Variants in TDRD9 observed in about 807,000 individuals in gnomAD.
The protein encoded by TDRD9 is tudor domain containing 9.
TDRD9 carries 124 observed loss-of-function variants against 172.6 expected under a neutral mutation model. That is an observed-to-expected ratio of 0.72 (90% CI 0.62 to 0.83). The LOEUF (loss-of-function observed/expected upper bound fraction) is 0.83. Ranked by LOEUF, TDRD9 falls within the 40% of genes least tolerant of loss-of-function variation. The pLI is 0.00. For synonymous variants in TDRD9, 619 were observed against 617.1 expected, an observed-to-expected ratio of 1.00 and a Z score of -0.05; for missense variants, 1,479 against 1,714.1, an observed-to-expected ratio of 0.86 and a Z score of 2.42.
chr14:104,048,594 C>G (rs1041673513), intron 34 of TDRD9, among the ~76,000 whole-genome samples: 1 of 152,130 alleles, frequency 6.6e-6, no homozygotes, highest in African/African-American at 2.4e-5. Context: ...CAAGTTCAGG[C>G]ACTTTTTGAT....
Position 104,001,733 on chromosome 14 carries a change from C to T in TDRD9, c.1484-2505C>T, listed in dbSNP as rs112239435. 4.6e-5 allele frequency among the ~76,000 whole-genome samples: 7 copies of T among 152,164 alleles called. No individual in the cohort carries two copies. The East Asian group carries it at 7.8e-4, about 17-fold the overall frequency. ...AAGCAATTCTCCTGCCTCAGCCTCC[C>T]GAGTAGCTGGGACTACAGGCATGCC... On this transcript the variant is annotated intron_variant, in intron 13 of 35. Coordinates refer to ENST00000409874, the MANE Select transcript of TDRD9 (RefSeq NM_153046.3).
intron 1 of TDRD9, among the ~76,000 whole-genome samples, chr14:103,934,227 GGT>G (rs1291529879): frequency 6.6e-6 from 1 of 151,866 alleles, no homozygotes; most frequent in African/African-American, 2.4e-5. Context: ...TGCCTATGCT[GGT>G]GTCAAACTCC....
At position 104,022,256 on chromosome 14, in the gene TDRD9, A is replaced by G; in HGVS notation, c.2532A>G (p.Glu844=). ...TGTCTCAACTAAAAGTTTCACTTGA[A>G]CTCAGCGTTCATTCTGCAGAGGAAA... The part of the protein sequence containing the change: ...IKMSQLKVSL[E]LSVHSAEEIE... The change falls in exon 24 of 36, where the codon GAA becomes GAG. Residue 844 remains glutamate (E), a synonymous_variant. Transcript: ENST00000409874. 1 of 1,613,070 alleles carries G rather than the reference A, an allele frequency of 6.2e-7. No homozygotes were observed. The highest frequency in any genetic ancestry group is 8.5e-7 in the Non-Finnish European group (1 of 1,179,564).
At chr14:103,979,297 G>A (rs2152175638) in intron 7 of TDRD9, among the ~76,000 whole-genome samples, 1 of 152,234 alleles carries the variant, frequency 6.6e-6, no homozygotes, top group South Asian at 2.1e-4. Context: ...GTACACCTAG[G>A]TTGATTCCAT....
At chr14:103,935,165 G>A (rs2030675468) in intron 1 of TDRD9, among the ~76,000 whole-genome samples, 1 of 152,200 alleles carries the variant, frequency 6.6e-6, no homozygotes, top group Non-Finnish European at 1.5e-5. Context: ...AGCTATGGGA[G>A]CTAATTCCTT....
At chr14:104,001,394 G>T (rs1183094780) in intron 13 of TDRD9, among the ~76,000 whole-genome samples, 2 of 152,230 alleles carry the variant, frequency 1.3e-5, no homozygotes, top group African/African-American at 4.8e-5. Context: ...AATACAAGCT[G>T]CACGTAGCAG....
At position 103,998,693 on chromosome 14, in the gene TDRD9, G is replaced by T. The variant is rs1319326484; in HGVS notation, c.1448G>T (p.Ser483Ile). The T allele has an allele frequency of 1.2e-6, 2 of 1,609,648 alleles. No homozygotes were observed. The highest frequency in any genetic ancestry group is 1.7e-6 in the Non-Finnish European group (2 of 1,176,134). The change falls in exon 13 of 36, where the codon AGT (serine) becomes ATT (isoleucine). Residue 483 changes from serine (S) to isoleucine (I), a missense_variant. Physicochemically the swap from Ser to Ile is moderately radical, Grantham distance 142 (BLOSUM62 -2). Transcript: ENST00000409874. ...EDTNYQSLRL[S>I]WASKTSCNQR... ...ACAAATTATCAGAGTCTGCGATTGA[G>T]TTGGGCTTCTAAAACCAGCTGTAAT...
At chr14:103,935,999 G>C (rs2208431) in intron 1 of TDRD9, among the ~76,000 whole-genome samples, 2 of 151,808 alleles carry the variant, frequency 1.3e-5, no homozygotes, top group Non-Finnish European at 2.9e-5. Flanking sequence ...ACAAGAGGGA[G>C]GGCAGGGCAT....
At chr14:103,955,796 A>G in intron 2 of TDRD9, 26 bp downstream of exon 2, 3 of 1,526,362 alleles carry the variant, frequency 2.0e-6, no homozygotes, top group Non-Finnish European at 2.7e-6. Context: ...TAAATATTTT[A>G]GATAGGATGC....
intron 22 of TDRD9, 94 bp downstream of exon 22, chr14:104,016,182 A>G (rs1461615415): frequency 1.4e-5 from 12 of 870,570 alleles, no homozygotes; most frequent in Non-Finnish European, 2.1e-5. Flanking sequence ...TCCTAAGTGA[A>G]TTTTCCCCTG....
chr14:104,021,249 C>T lies in TDRD9; in HGVS notation c.2433-908C>T, dbSNP rs188028782. 2.5e-3 allele frequency among the ~76,000 whole-genome samples: 380 copies of T among 152,222 alleles called. 2 individuals carry two copies. The highest frequency in any genetic ancestry group is 8.7e-4 in the Non-Finnish European group (59 of 68,016). On this transcript the variant is annotated intron_variant, in intron 23 of 35. Coordinates refer to ENST00000409874, the MANE Select transcript of TDRD9 (RefSeq NM_153046.3). The stretch of plus-strand genomic sequence containing the variant: ...CTCACAAGAACAGCAAGGGGGAAAT[C>T]GCGCTCACAATCCGGTCACCTCCCA...
intron 8 of TDRD9, 115 bp from the exon 9 acceptor site, chr14:103,991,045 A>G (rs1259351160): frequency 1.7e-6 from 2 of 1,209,486 alleles, no homozygotes; most frequent in Admixed American, 2.3e-5. Flanking sequence ...GGAACATTAC[A>G]TTGGATGACC....
At chr14:103,944,158 C>T (rs1426724968) in intron 1 of TDRD9, among the ~76,000 whole-genome samples, 5 of 152,138 alleles carry the variant, frequency 3.3e-5, no homozygotes, top group Non-Finnish European at 5.9e-5. Context: ...CTGTTCAAGG[C>T]CCTCTGCAGT....
chr14:104,045,342 T>C (rs1330872537), intron 34 of TDRD9, among the ~76,000 whole-genome samples: 3 of 151,118 alleles, frequency 2.0e-5, no homozygotes, highest in Non-Finnish European at 4.4e-5. Context: ...CCTTAATGAC[T>C]AATGATGTAG....
At chr14:103,929,422 T>C (rs969906804) in intron 1 of TDRD9, among the ~76,000 whole-genome samples, 17 of 152,140 alleles carry the variant, frequency 1.1e-4, no homozygotes, top group African/African-American at 4.1e-4. Flanking sequence ...CATGGTTTGA[T>C]AGCTTCTTTC....
At chr14:103,975,924 G>C (rs1436980256) in intron 7 of TDRD9, among the ~76,000 whole-genome samples, 1 of 152,272 alleles carries the variant, frequency 6.6e-6, no homozygotes, top group East Asian at 1.9e-4. Flanking sequence ...GCGTAGTGGT[G>C]GGGGTCTGTA....
chr14:103,977,630 CTTT>C (rs766681794), intron 7 of TDRD9, among the ~76,000 whole-genome samples: 4 of 114,442 alleles, frequency 3.5e-5, no homozygotes, highest in Admixed American at 9.2e-5. Context: ...TGATTTCTTT[CTTT>C]TTTTTTTTTT....
At chr14:103,989,025 TC>T (rs2033777118) in intron 8 of TDRD9, among the ~76,000 whole-genome samples, 1 of 152,142 alleles carries the variant, frequency 6.6e-6, no homozygotes, top group African/African-American at 2.4e-5. Flanking sequence ...CAAAAAAACT[TC>T]CTTTAGTATT....
At chr14:104,022,414 A>T in intron 24 of TDRD9, 84 bp downstream of exon 24, 1 of 1,369,494 alleles carries the variant, frequency 7.3e-7, no homozygotes. Context: ...TTGATCTGGC[A>T]TTGCTTCAGA....
Sources: allele counts gnomAD v4.1 joint callset (sites outside exome capture counted in the v4.1 genomes callset), GRCh38; gene constraint gnomAD v4.1.1; transcripts MANE v1.5; gene names NCBI Gene and HGNC (gene_info 2026-07-23, HGNC 2026-07-21).